Variants in TMEM135 observed in about 807,000 individuals in gnomAD.
TMEM135 encodes transmembrane protein 135, also known as peroxisomal membrane protein 52.
Under a neutral mutation model 60.3 loss-of-function variants are expected in TMEM135, and 30 were observed. The ratio of observed to expected loss-of-function variants is 0.50; its 90% CI spans 0.37 to 0.68. The LOEUF (loss-of-function observed/expected upper bound fraction) is 0.68, where lower values mean the gene tolerates loss of function less well. TMEM135 is among the 30% of genes least tolerant of loss of function. The pLI, the probability that TMEM135 is intolerant of heterozygous loss-of-function variation, is 0.00. For missense variants in TMEM135, 468 were observed against 548.8 expected, an observed-to-expected ratio of 0.85 and a Z score of 1.47; for synonymous variants, 190 against 186.7, an observed-to-expected ratio of 1.02 and a Z score of -0.14.
At chr11:87,116,676 A>G (rs1857892391) in intron 4 of TMEM135, among the ~76,000 whole-genome samples, 1 of 151,958 alleles carries the variant, frequency 6.6e-6, no homozygotes. Flanking sequence ...GTATAGGCAT[A>G]CCTCAAAGAT....
intron 3 of TMEM135, among the ~76,000 whole-genome samples, chr11:87,079,797 C>A (rs1432929888): frequency 1.3e-5 from 2 of 149,332 alleles, no homozygotes; most frequent in African/African-American, 4.9e-5. Flanking sequence ...TTTTCTGCAT[C>A]TATTGATAAG....
At chr11:87,044,209 A>G (rs1449111542) in intron 1 of TMEM135, among the ~76,000 whole-genome samples, 1 of 152,084 alleles carries the variant, frequency 6.6e-6, no homozygotes, top group African/African-American at 2.4e-5. Context: ...CAGAGTTGAA[A>G]TTTCTAGGAA....
chr11:87,274,786 CTGTG>C (rs10655114), intron 6 of TMEM135, among the ~76,000 whole-genome samples: 24,231 of 129,068 alleles, frequency 0.19, 2,290 homozygotes, highest in Middle Eastern at 0.23. Context: ...CATAGCAAGA[CTGTG>C]TGTGTGTGTG....
At position 87,324,967 on chromosome 11, in the gene TMEM135, C is replaced by T. The variant is rs151326632; in HGVS notation, c.*3634C>T. 6.3e-3 allele frequency: 2,872 copies of T among 453,942 alleles called. 15 individuals are homozygous for T. Among genetic ancestry groups the T allele is most frequent in the Non-Finnish European group, 9.7e-3 (2,198 of 226,758 alleles). 28.1% of individuals were successfully genotyped at this position (453,942 alleles called of 1,614,324 possible). A position where few individuals can be genotyped will look rare whatever the true frequency, so the allele number is the denominator to read the frequency against. ...AGTGATTATTTTCTTTAGGGCTGCA[C>T]TTTGAATGTGATGAGTAATAAGGTT... is the stretch of plus-strand genomic sequence containing the variant. On this transcript the variant is annotated 3_prime_UTR_variant, in exon 15 of 15. Coordinates refer to ENST00000305494, the MANE Select transcript of TMEM135 (RefSeq NM_022918.4).
intron 5 of TMEM135, among the ~76,000 whole-genome samples, chr11:87,171,776 A>G (rs536219620): frequency 6.6e-5 from 10 of 152,086 alleles, no homozygotes; most frequent in South Asian, 4.1e-4. Flanking sequence ...GTCGAAGACA[A>G]TTTTTCCACG....
chr11:87,209,187 A>G (rs1413619812), intron 5 of TMEM135, among the ~76,000 whole-genome samples: 1 of 152,212 alleles, frequency 6.6e-6, no homozygotes, highest in Admixed American at 6.5e-5. Context: ...ACAGGATCAA[A>G]TCCTCACATA....
At chr11:87,237,983 A>G (rs1364115081) in intron 6 of TMEM135, among the ~76,000 whole-genome samples, 2 of 151,966 alleles carry the variant, frequency 1.3e-5, no homozygotes, top group Non-Finnish European at 2.9e-5. Context: ...CTGTGTTGCA[A>G]ATGACAGGAT....
At chr11:87,237,792 T>C (rs1464473637) in intron 6 of TMEM135, among the ~76,000 whole-genome samples, 2 of 151,864 alleles carry the variant, frequency 1.3e-5, no homozygotes, top group Non-Finnish European at 2.9e-5. Context: ...TACCCGTTAA[T>C]CACCCCCACC....
chr11:87,225,433 A>C (rs1448398220), intron 5 of TMEM135, among the ~76,000 whole-genome samples: 15 of 152,052 alleles, frequency 9.9e-5, no homozygotes, highest in Admixed American at 9.8e-4. Flanking sequence ...CTCTATAATT[A>C]TTATTATTAT....
At chr11:87,169,620 A>G (rs113620780) in intron 5 of TMEM135, among the ~76,000 whole-genome samples, 14,784 of 152,058 alleles carry the variant, frequency 0.097, 747 homozygotes, top group African/African-American at 0.1. Flanking sequence ...AGAATGTTGA[A>G]TATTGGCCCT....
At chr11:87,090,946 TA>T (rs1857192221) in intron 3 of TMEM135, among the ~76,000 whole-genome samples, 3 of 152,122 alleles carry the variant, frequency 2.0e-5, no homozygotes, top group Non-Finnish European at 2.9e-5. Context: ...TTGTTTTATT[TA>T]TTTTTTCATA....
At chr11:87,108,907 C>T (rs1452730360) in intron 4 of TMEM135, among the ~76,000 whole-genome samples, 1 of 152,054 alleles carries the variant, frequency 6.6e-6, no homozygotes, top group Non-Finnish European at 1.5e-5. Flanking sequence ...TGGTATACGT[C>T]TCATGTATAA....
In TMEM135 at chr11:87,327,765, G is replaced by T. The variant is rs761319474; in HGVS notation, c.*6432G>T. The T allele has an allele frequency of 1.3e-4, 58 of 453,932 alleles. No individual in the cohort carries two copies. The highest frequency in any genetic ancestry group is 9.0e-4 in the South Asian group (58 of 64,472). 28.1% of individuals were successfully genotyped at this position (453,932 alleles called of 1,614,324 possible). A position where few individuals can be genotyped will look rare whatever the true frequency, so the allele number is the denominator to read the frequency against. ...AATTTTCAAGTCTGAGAACCTGGGG[G>T]TGGGATGGGGGAGTGATAGTTTTAA... On this transcript the variant is annotated 3_prime_UTR_variant, in exon 15 of 15. Coordinates refer to ENST00000305494, the MANE Select transcript of TMEM135 (RefSeq NM_022918.4).
intron 5 of TMEM135, among the ~76,000 whole-genome samples, chr11:87,198,276 C>A (rs1036045365): frequency 2.0e-5 from 3 of 152,114 alleles, no homozygotes; most frequent in Non-Finnish European, 4.4e-5. Context: ...ATTTATTTTA[C>A]TACACATTTG....
In TMEM135 at chr11:87,300,466, C is replaced by T. The variant is rs1942424382; in HGVS notation, c.552-1830C>T. 2.0e-5 allele frequency among the ~76,000 whole-genome samples: 3 copies of T among 152,144 alleles called. No homozygotes were observed. The South Asian group carries it at 6.2e-4, about 32-fold the overall frequency. On this transcript the variant is annotated intron_variant, in intron 7 of 14. Transcript: ENST00000305494. The stretch of plus-strand genomic sequence containing the variant: ...ACTTTAGGCCAGACAATTCTGGGTT[C>T]AAATAATTACTGATAATTTATTGGT...
intron 4 of TMEM135, among the ~76,000 whole-genome samples, chr11:87,144,709 AGTGTGTGTGT>A (rs4014711): frequency 1.4e-5 from 2 of 147,036 alleles, no homozygotes; most frequent in Admixed American, 6.8e-5. Context: ...TGTGTGTGAA[AGTGTGTGTGT>A]GTGTGTGTGT....
intron 4 of TMEM135, among the ~76,000 whole-genome samples, chr11:87,128,020 C>G (rs1259496733): frequency 1.3e-5 from 2 of 152,276 alleles, no homozygotes. Context: ...TCTATCTCAT[C>G]ATGCTTGATC....
At chr11:87,157,249 T>C in intron 4 of TMEM135, 92 bp from the exon 5 acceptor site, 1 of 1,156,870 alleles carries the variant, frequency 8.6e-7, no homozygotes, top group South Asian at 1.3e-5. Flanking sequence ...TATAATAGTA[T>C]TGAATGTTTT....
At chr11:87,058,158 C>A (rs1023541136) in intron 1 of TMEM135, among the ~76,000 whole-genome samples, 8 of 152,158 alleles carry the variant, frequency 5.3e-5, no homozygotes, top group African/African-American at 1.9e-4. Context: ...ATCTTTTTCT[C>A]AGTCTACTGA....
Sources: gnomAD v4.1 joint callset for allele counts (sites outside exome capture counted in the v4.1 genomes callset) on GRCh38, gnomAD v4.1.1 for gene constraint, MANE v1.5 for transcripts, NCBI Gene and HGNC (gene_info 2026-07-23, HGNC 2026-07-21) for gene names.